Variants in PKHD1L1 observed in about 807,000 individuals in gnomAD.
PKHD1L1 encodes PKHD1 like 1.
A neutral mutation model predicts 462.9 loss-of-function variants in PKHD1L1; 434 were observed. That is an observed-to-expected ratio of 0.94 (90% CI 0.87 to 1.02). The LOEUF (loss-of-function observed/expected upper bound fraction) is 1.02, where lower values mean the gene tolerates loss of function less well. Ranked by LOEUF, PKHD1L1 falls within the 50% of genes least tolerant of loss-of-function variation. PKHD1L1 has a pLI of 0.00. For synonymous variants in PKHD1L1, 1,781 were observed against 1,750.0 expected (o/e 1.02, Z -0.44); for missense variants, 5,202 against 5,096.1 (o/e 1.02, Z -0.63).
intron 63 of PKHD1L1, among the ~76,000 whole-genome samples, chr8:109,495,727 G>A (rs1307875908): frequency 6.6e-6 from 1 of 152,026 alleles, no homozygotes; most frequent in African/African-American, 2.4e-5. Context: ...AAACCCAATG[G>A]ACTAGGAAGA....
At chr8:109,403,697 C>T (rs925191558) in intron 14 of PKHD1L1, among the ~76,000 whole-genome samples, 2 of 152,080 alleles carry the variant, frequency 1.3e-5, no homozygotes, top group African/African-American at 4.8e-5. Context: ...GGCAATGATC[C>T]AGAACCCTAT....
chr8:109,410,427 A>C (rs1240473182), intron 19 of PKHD1L1, among the ~76,000 whole-genome samples: 1 of 152,112 alleles, frequency 6.6e-6, no homozygotes, highest in African/African-American at 2.4e-5. Flanking sequence ...ATCATGGTGA[A>C]GGCAAAGGGG....
intron 2 of PKHD1L1, among the ~76,000 whole-genome samples, chr8:109,371,168 G>A (rs1209994151): frequency 6.6e-6 from 1 of 152,156 alleles, no homozygotes; most frequent in East Asian, 1.9e-4. Context: ...AGCACCTGTT[G>A]TTTCCTGACT....
Position 109,498,725 on chromosome 8 carries a change from A to G in PKHD1L1, c.10782A>G (p.Ala3594=). ...ACATGGCACCCCGAAAGCCCCATGCAGGAATCATGAGTTACAATGCCATCA... is the reference window on the plus strand; with the variant it reads ...ACATGGCACCCCGAAAGCCCCATGCGGGAATCATGAGTTACAATGCCATCA... The part of the protein sequence containing the change: ...AHNMAPRKPH[A]GIMSYNAISG... Residue 3594 remains alanine (A), a synonymous_variant, in exon 67 of 78, where the codon GCA becomes GCG. Transcript: ENST00000378402. 4 of 1,613,972 alleles carry G rather than the reference A, an allele frequency of 2.5e-6. No individual in the cohort carries two copies. Among genetic ancestry groups the G allele is most frequent in the Non-Finnish European group, 3.4e-6 (4 of 1,179,850 alleles).
intron 42 of PKHD1L1, 137 bp from the exon 43 acceptor site, chr8:109,452,578 TTAA>T (rs1395584891): frequency 6.7e-6 from 3 of 448,756 alleles, no homozygotes; most frequent in African/African-American, 6.2e-5. Context: ...GATTTTATTA[TTAA>T]TAAAATGCTT....
At chr8:109,399,091 T>C (rs1426953400) in intron 12 of PKHD1L1, among the ~76,000 whole-genome samples, 1 of 152,190 alleles carries the variant, frequency 6.6e-6, no homozygotes, top group Non-Finnish European at 1.5e-5. Flanking sequence ...GTATCTCATA[T>C]CTTGTTCGCA....
Position 109,409,980 on chromosome 8 carries a change from T to C in PKHD1L1, c.2085+2T>C, listed in dbSNP as rs1268331825. 6.8e-7 allele frequency: 1 copy of C among 1,476,194 alleles called. No homozygotes were observed. The highest frequency in any genetic ancestry group is 2.0e-5 in the Admixed American group (1 of 50,762). The allele number at this position is 1,476,194 out of a possible 1,614,324, so 91.4% of individuals were successfully genotyped here. A position where few individuals can be genotyped will look rare whatever the true frequency, so the allele number is the denominator to read the frequency against. On this transcript the variant is annotated splice_donor_variant, in intron 19 of 77. Coordinates refer to ENST00000378402, the MANE Select transcript of PKHD1L1 (RefSeq NM_177531.6). LOFTEE classifies it high-confidence loss of function. ...GACTATGAAACTGATTTTAATCTGG[T>C]ATGAAATATTTAATGAACTGTGAAA...
At chr8:109,404,872 A>G in intron 15 of PKHD1L1, 123 bp from the exon 16 acceptor site, 1 of 1,101,816 alleles carries the variant, frequency 9.1e-7, no homozygotes, top group East Asian at 2.7e-5. Context: ...TAAGCCAAAA[A>G]GGCTGTTACT....
chr8:109,505,638 C>A (rs571976780), intron 68 of PKHD1L1, among the ~76,000 whole-genome samples: 1 of 152,282 alleles, frequency 6.6e-6, no homozygotes, highest in African/African-American at 2.4e-5. Context: ...GTGGCTAGTG[C>A]CTGTAATCTC....
chr8:109,478,641 A>G (rs1228794896), intron 53 of PKHD1L1, among the ~76,000 whole-genome samples: 1 of 152,100 alleles, frequency 6.6e-6, no homozygotes, highest in Non-Finnish European at 1.5e-5. Flanking sequence ...TGGCATGTCA[A>G]ACAATGGAGA....
At chr8:109,436,703 A>G (rs1815436586) in intron 30 of PKHD1L1, among the ~76,000 whole-genome samples, 1 of 152,230 alleles carries the variant, frequency 6.6e-6, no homozygotes, top group Non-Finnish European at 1.5e-5. Flanking sequence ...CTAATATTAA[A>G]CAATGTATTT....
In PKHD1L1 at chr8:109,401,502, G is replaced by A; in HGVS notation, c.1287G>A (p.Arg429=). The part of the protein sequence containing the change: ...SQTGLPEDKV[R]IAYHSANANS... ...CTCTGTCTCTCTCGGATTAGGTGAG[G>A]ATTGCATATCATTCTGCTAATGCCA... Residue 429 remains arginine, a synonymous_variant, in exon 14 of 78, where the codon AGG becomes AGA. Transcript: ENST00000378402. 6.4e-7 allele frequency: 1 copy of A among 1,556,026 alleles called. No individual in the cohort carries two copies. The highest frequency in any genetic ancestry group is 1.7e-5 in the Admixed American group (1 of 59,188).
intron 67 of PKHD1L1, among the ~76,000 whole-genome samples, chr8:109,500,538 AAC>A (rs1554593299): frequency 0.057 from 5,888 of 103,364 alleles, 195 homozygotes; most frequent in Middle Eastern, 0.087. Flanking sequence ...AAAAAAAAAA[AAC>A]CTAGCTGGGC....
intron 47 of PKHD1L1, 40 bp from the exon 48 acceptor site, chr8:109,461,732 C>T (rs201289065): frequency 5.7e-4 from 885 of 1,555,480 alleles, no homozygotes; most frequent in Admixed American, 8.4e-4. Context: ...AAGAGGATTC[C>T]GACAATTTTT....
chr8:109,528,207 G>A (rs948443646), intron 77 of PKHD1L1, among the ~76,000 whole-genome samples: 1 of 152,108 alleles, frequency 6.6e-6, no homozygotes, highest in African/African-American at 2.4e-5. Flanking sequence ...CTCAAGAACA[G>A]GGACATGATA....
Position 109,404,655 on chromosome 8 carries a change from A to C in PKHD1L1, c.1475A>C (p.Asp492Ala). The C allele has an allele frequency of 6.2e-7, 1 of 1,608,782 alleles. No individual in the cohort carries two copies. The highest frequency in any genetic ancestry group is 8.5e-7 in the Non-Finnish European group (1 of 1,177,250). ...RNVYTEQQTGDAVNEEQVIKS... is the reference protein window; with the variant it reads ...RNVYTEQQTGAAVNEEQVIKS... The stretch of plus-strand genomic sequence containing the variant: ...GTTTATACTGAACAACAAACAGGAG[A>C]TGCAGTGAATGAAGAACAAGTTATC... Residue 492 changes from aspartate (D) to alanine (A), a missense_variant, in exon 15 of 78, where the codon GAT (aspartate) becomes GCT (alanine). By Grantham distance (126) the Asp-to-Ala change is moderately radical. Coordinates refer to ENST00000378402, the MANE Select transcript of PKHD1L1 (RefSeq NM_177531.6).
intron 6 of PKHD1L1, 106 bp downstream of exon 6, chr8:109,385,736 C>A: frequency 1.6e-6 from 1 of 642,086 alleles, no homozygotes. Context: ...TGTAATATAA[C>A]TAACCAGTGT....
At chr8:109,383,546 A>G (rs2130435420) in intron 4 of PKHD1L1, among the ~76,000 whole-genome samples, 1 of 146,130 alleles carries the variant, frequency 6.8e-6, no homozygotes, top group East Asian at 2.0e-4. Flanking sequence ...TCAATTACTG[A>G]GTAGTACAAT....
intron 45 of PKHD1L1, among the ~76,000 whole-genome samples, chr8:109,455,484 C>T (rs1342034715): frequency 2.6e-5 from 4 of 152,198 alleles, no homozygotes; most frequent in South Asian, 4.1e-4. Flanking sequence ...TTTCATTTTA[C>T]ACTAACCGTA....
Sources: allele counts gnomAD v4.1 joint callset (sites outside exome capture counted in the v4.1 genomes callset), GRCh38; gene constraint gnomAD v4.1.1; transcripts MANE v1.5; gene names NCBI Gene and HGNC (gene_info 2026-07-23, HGNC 2026-07-21).